The following QPRT variants were observed in gnomAD, a reference collection of about 807,000 sequenced individuals.
QPRT encodes nicotinate-nucleotide pyrophosphorylase [carboxylating].
In QPRT, 17 loss-of-function variants were observed where a neutral mutation model predicts 19.8. That is an observed-to-expected ratio of 0.86 (90% CI 0.59 to 1.29). QPRT has a LOEUF of 1.29. Ranked by LOEUF, QPRT falls within the 50% of genes most tolerant of loss-of-function variation. The pLI is 0.00. For missense variants in QPRT, 336 were observed against 405.1 expected (o/e 0.83, Z 1.46); for synonymous variants, 178 against 191.0 (o/e 0.93, Z 0.56).
intron 1 of QPRT, among the ~76,000 whole-genome samples, chr16:29,685,218 C>T (rs1255646804): frequency 1.3e-5 from 2 of 151,922 alleles, no homozygotes. Flanking sequence ...CACCTGTAAT[C>T]CCAGCACTTT....
intron 1 of QPRT, among the ~76,000 whole-genome samples, chr16:29,693,199 T>TG (rs1269682881): frequency 6.6e-6 from 1 of 152,234 alleles, no homozygotes; most frequent in Non-Finnish European, 1.5e-5. Context: ...GTCACCCTGT[T>TG]GTGCTAGCAA....
At chr16:29,679,106 C>G (rs1222914452), upstream of QPRT, 7 of 1,610,816 alleles carry the variant, frequency 4.3e-6, no homozygotes, top group Admixed American at 5.0e-5. Context: ...GATGGGCCCT[C>G]CCTCCCTCCA....
intron 1 of QPRT, among the ~76,000 whole-genome samples, chr16:29,691,364 C>CAAAAAAAA (rs537664108): frequency 3.9e-5 from 2 of 51,880 alleles, no homozygotes; most frequent in African/African-American, 2.2e-4. Flanking sequence ...AGCTCTGCAT[C>CAAAAAAAA]AAAAAAAAAA....
At chr16:29,679,340 C>T (rs541530463) in intron 1 of QPRT, 130 bp downstream of exon 1, 19 of 630,590 alleles carry the variant, frequency 3.0e-5, no homozygotes, top group African/African-American at 2.2e-4. Flanking sequence ...CCGCCATCGA[C>T]TCCCTTACCT....
At chr16:29,680,521 C>T (rs905875080) in intron 1 of QPRT, among the ~76,000 whole-genome samples, 1 of 152,146 alleles carries the variant, frequency 6.6e-6, no homozygotes, top group African/African-American at 2.4e-5. Context: ...ACCCTTCCAC[C>T]AGCACAAACC....
chr16:29,679,126 C>G, upstream of QPRT: 1 of 1,613,660 alleles, frequency 6.2e-7, no homozygotes, highest in African/African-American at 1.3e-5. Context: ...ACAGTCCCAC[C>G]CCCAGCCTGG....
Position 29,697,480 on chromosome 16 carries a change from A to T in QPRT, c.*69A>T, listed in dbSNP as rs1330699664. On this transcript the variant is annotated 3_prime_UTR_variant, in exon 4 of 4. Transcript: ENST00000395384. This position sits in a 1 kb window ranked among gnomAD's most constrained non-coding sequence, Gnocchi z 4.4. Reference sequence around the variant, plus strand: ...CTCCTCAGGACCCTCTGGGTCACACATCTTTAGGGTCAGTGGCCAATGGGG... The same window carrying T: ...CTCCTCAGGACCCTCTGGGTCACACTTCTTTAGGGTCAGTGGCCAATGGGG... The T allele has an allele frequency of 6.8e-7, 1 of 1,476,156 alleles. No homozygotes were observed. The highest frequency in any genetic ancestry group is 2.3e-5 in the East Asian group (1 of 43,452). The allele number at this position is 1,476,156 out of a possible 1,614,324, so 91.4% of individuals were successfully genotyped here. A position where few individuals can be genotyped will look rare whatever the true frequency, so the allele number is the denominator to read the frequency against.
intron 1 of QPRT, among the ~76,000 whole-genome samples, chr16:29,689,606 C>T (rs1967265615): frequency 6.6e-6 from 1 of 152,068 alleles, no homozygotes; most frequent in Admixed American, 6.6e-5. Context: ...AGGCAGGTAG[C>T]CTGGTGCCTA....
chr16:29,686,883 G>C (rs941610676), intron 1 of QPRT, among the ~76,000 whole-genome samples: 3 of 152,160 alleles, frequency 2.0e-5, no homozygotes, highest in African/African-American at 4.8e-5. Flanking sequence ...CTCCACACCT[G>C]GCAACTTCTT....
chr16:29,679,925 A>G (rs746429639), intron 1 of QPRT, among the ~76,000 whole-genome samples: 43 of 151,520 alleles, frequency 2.8e-4, no homozygotes, highest in Non-Finnish European at 5.0e-4. Context: ...AATTTCCTTT[A>G]AGCTCAAAGC....
chr16:29,692,408 G>A (rs1465555925), intron 1 of QPRT, among the ~76,000 whole-genome samples: 2 of 151,870 alleles, frequency 1.3e-5, no homozygotes, highest in African/African-American at 4.8e-5. Context: ...GTGAAACCCC[G>A]TCTCTACTAA....
chr16:29,694,541 G>C, intron 1 of QPRT, 123 bp from the exon 2 acceptor site: 1 of 1,091,192 alleles, frequency 9.2e-7, no homozygotes, highest in Non-Finnish European at 1.3e-6. Context: ...CCCCCCCTGG[G>C]ACCCCTAGAT....
rs539872043 is a variant in QPRT, at chr16:29,684,306, G to GT, written c.13+5102dup. On this transcript the variant is annotated intron_variant, in intron 1 of 3. Coordinates refer to ENST00000395384, the MANE Select transcript of QPRT (RefSeq NM_014298.6). ...AGCTAACTTTTTCTTTTTTTCTTTT[G>GT]TTTTTTGAGACGGAGTTTTGCTCTT... Among the ~76,000 whole-genome samples, 333 of 151,798 alleles carry GT rather than the reference G, an allele frequency of 2.2e-3. 1 individual carries two copies. The highest frequency in any genetic ancestry group is 3.9e-3 in the Non-Finnish European group (262 of 67,920).
intron 1 of QPRT, among the ~76,000 whole-genome samples, chr16:29,692,381 C>A (rs943606465): frequency 6.6e-6 from 1 of 151,716 alleles, no homozygotes; most frequent in Admixed American, 6.6e-5. Context: ...GAGATTGAGA[C>A]CATCCCAGCT....
chr16:29,692,272 TTTATTTA>T (rs869225050), intron 1 of QPRT, among the ~76,000 whole-genome samples: 8 of 151,974 alleles, frequency 5.3e-5, no homozygotes, highest in Non-Finnish European at 1.2e-4. Context: ...TATTTATTTA[TTTATTTA>T]TTTTTTAAGT....
At chr16:29,681,997 G>T (rs901100129) in intron 1 of QPRT, among the ~76,000 whole-genome samples, 2 of 151,922 alleles carry the variant, frequency 1.3e-5, no homozygotes, top group African/African-American at 4.8e-5. Context: ...CAAAGTGCTG[G>T]GATTACAGGT....
chr16:29,690,331 G>A (rs916748531), intron 1 of QPRT, among the ~76,000 whole-genome samples: 2 of 152,198 alleles, frequency 1.3e-5, no homozygotes, highest in Non-Finnish European at 2.9e-5. Context: ...GTGCTGTGAT[G>A]TGTCTTTATA....
intron 1 of QPRT, among the ~76,000 whole-genome samples, chr16:29,684,484 C>T (rs545849703): frequency 1.6e-4 from 24 of 152,094 alleles, no homozygotes; most frequent in African/African-American, 5.3e-4. Context: ...TTAGTAGAGA[C>T]GGGGTTTTGC....
chr16:29,691,847 G>C (rs1422074555), intron 1 of QPRT, among the ~76,000 whole-genome samples: 1 of 152,212 alleles, frequency 6.6e-6, no homozygotes, highest in East Asian at 1.9e-4. Flanking sequence ...GCCGGGTGCA[G>C]TCAAGGAGGC....
Sources: allele counts gnomAD v4.1 joint callset (sites outside exome capture counted in the v4.1 genomes callset), GRCh38; gene constraint gnomAD v4.1.1; non-coding constraint Gnocchi (gnomAD v3.1); transcripts MANE v1.5; gene names NCBI Gene and HGNC (gene_info 2026-07-23, HGNC 2026-07-21).